The following LRRC47 variants were observed in gnomAD, a reference collection of about 807,000 sequenced individuals.
LRRC47 encodes leucine rich repeat containing 47, also known as leucine-rich repeat-containing protein 47.
Under a neutral mutation model 40.9 loss-of-function variants are expected in LRRC47, and 31 were observed. The observed-to-expected ratio is 0.76, with a 90% confidence interval of 0.57 to 1.02. The LOEUF (loss-of-function observed/expected upper bound fraction) is 1.02, where lower values mean the gene tolerates loss of function less well. Ranked by LOEUF, LRRC47 falls within the 50% of genes least tolerant of loss-of-function variation. The pLI is 0.00. For missense variants in LRRC47, 726 were observed against 796.1 expected (o/e 0.91, Z 1.06); for synonymous variants, 427 against 371.9 (o/e 1.15, Z -1.70).
rs370038910 is a variant in LRRC47 at position 3,787,234 on chromosome 1, T to C, written c.692A>G (p.Asn231Ser). Residue 231 changes from asparagine (N) to serine (S), a missense_variant, in exon 2 of 7, where the codon AAT (asparagine) becomes AGT (serine). Transcript: ENST00000378251. Reference sequence around the variant, plus strand: ...GTCCCTCAGCTTGTTCCCACGGAAATTGATCTCCTTGAGCTTGGGGCAGTC... The same window carrying C: ...GTCCCTCAGCTTGTTCCCACGGAAACTGATCTCCTTGAGCTTGGGGCAGTC... ...LADCPKLKEI[N>S]FRGNKLRDKR... The C allele has an allele frequency of 3.5e-5, 57 of 1,613,714 alleles. No individual in the cohort carries two copies. Among genetic ancestry groups the C allele is most frequent in the Non-Finnish European group, 4.3e-5 (51 of 1,180,052 alleles).
At chr1:3,789,352 C>T (rs542543937) in intron 1 of LRRC47, among the ~76,000 whole-genome samples, 254 of 152,378 alleles carry the variant, frequency 1.7e-3, no homozygotes, top group Middle Eastern at 3.4e-3. Flanking sequence ...TGGGTTTCTG[C>T]GCTGCCCTAA....
At chr1:3,791,673 C>T (rs989608100) in intron 1 of LRRC47, among the ~76,000 whole-genome samples, 2 of 152,220 alleles carry the variant, frequency 1.3e-5, no homozygotes, top group Non-Finnish European at 2.9e-5. Flanking sequence ...TCAGGCTGGT[C>T]TTCAACTCCC....
chr1:3,785,892 T>C (rs942555626), intron 2 of LRRC47, among the ~76,000 whole-genome samples: 5 of 149,418 alleles, frequency 3.3e-5, no homozygotes, highest in African/African-American at 1.2e-4. Flanking sequence ...TTTTTTGAGA[T>C]GGAGTCTTGC....
At position 3,780,900 on chromosome 1, in the gene LRRC47, C is replaced by A; in HGVS notation, c.*188G>T. On this transcript the variant is annotated 3_prime_UTR_variant, in exon 7 of 7. Transcript: ENST00000378251. ...CTGAGGCAGGAGAATCGCTTGAACCCAGGAGACACAGGCTGCAGTGACTCG... is the reference window on the plus strand; with the variant it reads ...CTGAGGCAGGAGAATCGCTTGAACCAAGGAGACACAGGCTGCAGTGACTCG... The A allele has an allele frequency of 1.2e-6, 1 of 812,060 alleles. No homozygotes were observed. Among genetic ancestry groups the A allele is most frequent in the African/African-American group, 1.7e-5 (1 of 58,048 alleles). The allele number at this position is 812,060 out of a possible 1,614,324, so 50.3% of individuals were successfully genotyped here. A position where few individuals can be genotyped will look rare whatever the true frequency, so the allele number is the denominator to read the frequency against.
chr1:3,781,484 T>C, intron 6 of LRRC47, 28 bp downstream of exon 6: 4 of 1,607,348 alleles, frequency 2.5e-6, no homozygotes, highest in Non-Finnish European at 3.4e-6. Flanking sequence ...TCAAAAGCGT[T>C]TCTCAGGAGG....
chr1:3,792,459 G>A (rs545682061), intron 1 of LRRC47, among the ~76,000 whole-genome samples: 2 of 114,272 alleles, frequency 1.8e-5, no homozygotes, highest in South Asian at 6.1e-4. Context: ...AGAGCTGGAC[G>A]CACACTTTTT....
chr1:3,780,866 C>T lies in LRRC47; in HGVS notation c.*222G>A. ...TGGCACACACCTGTAGTCCCAGCTACTTGGGAGGCTGAGGCAGGAGAATCG... is the reference window on the plus strand; with the variant it reads ...TGGCACACACCTGTAGTCCCAGCTATTTGGGAGGCTGAGGCAGGAGAATCG... On this transcript the variant is annotated 3_prime_UTR_variant, in exon 7 of 7. Coordinates refer to ENST00000378251, the MANE Select transcript of LRRC47 (RefSeq NM_020710.3). 1 of 607,802 alleles carries T rather than the reference C, an allele frequency of 1.6e-6. No homozygotes were observed. The highest frequency in any genetic ancestry group is 3.0e-5 in the East Asian group (1 of 33,000). 37.7% of individuals were successfully genotyped at this position (607,802 alleles called of 1,614,324 possible).
Position 3,781,313 on chromosome 1 carries a change from G to A in LRRC47, c.1527C>T (p.Tyr509=). The A allele has an allele frequency of 6.2e-7, 1 of 1,612,832 alleles. No individual in the cohort carries two copies. The highest frequency in any genetic ancestry group is 8.5e-7 in the Non-Finnish European group (1 of 1,179,046). Residue 509 remains tyrosine, a synonymous_variant, in exon 7 of 7, where the codon TAC becomes TAT. Coordinates refer to ENST00000378251, the MANE Select transcript of LRRC47 (RefSeq NM_020710.3). The part of the protein sequence containing the change: ...LILKMAEMKK[Y]TLENKEEGSL... ...ATCCTTCCTCTTTATTTTCTAAAGTGTACTTTTTCATTTCTGCCATTTTCT... is the reference window on the plus strand; with the variant it reads ...ATCCTTCCTCTTTATTTTCTAAAGTATACTTTTTCATTTCTGCCATTTTCT...
Position 3,796,241 on chromosome 1 carries a change from C to G in LRRC47, c.236G>C (p.Ser79Thr). Reference protein sequence around the residue: ...GLAQGLPQLHSLVLRRNALGP... With the variant: ...GLAQGLPQLHTLVLRRNALGP... ...CAGCGCGTTGCGCCGCAGCACGAGG[C>G]TGTGCAGCTGCGGCAGGCCCTGCGC... Residue 79 changes from serine to threonine, a missense_variant, in exon 1 of 7, where the codon AGC (serine) becomes ACC (threonine). By Grantham distance (58) the Ser-to-Thr change is moderately conservative. Coordinates refer to ENST00000378251, the MANE Select transcript of LRRC47 (RefSeq NM_020710.3). 3.4e-6 allele frequency: 5 copies of G among 1,449,922 alleles called. No homozygotes were observed. The highest frequency in any genetic ancestry group is 4.5e-6 in the Non-Finnish European group (5 of 1,110,848). The allele number at this position is 1,449,922 out of a possible 1,614,324, so 89.8% of individuals were successfully genotyped here.
rs1400758609 is a variant in LRRC47, at chr1:3,778,569, G to A, written c.*2519C>T. On this transcript the variant is annotated 3_prime_UTR_variant, in exon 7 of 7. Coordinates refer to ENST00000378251, the MANE Select transcript of LRRC47 (RefSeq NM_020710.3). Reference sequence around the variant, plus strand: ...AAGGATCTGCTGGGCCAGGTGCGGAGCTGTTTTTATTAGTGAGTCGGGGGG... The same window carrying A: ...AAGGATCTGCTGGGCCAGGTGCGGAACTGTTTTTATTAGTGAGTCGGGGGG... 1 of 153,754 alleles carries A rather than the reference G, an allele frequency of 6.5e-6. No individual in the cohort carries two copies. Among genetic ancestry groups the A allele is most frequent in the East Asian group, 1.9e-4 (1 of 5,202 alleles). The allele number at this position is 153,754 out of a possible 1,614,324, so 9.5% of individuals were successfully genotyped here. A position where few individuals can be genotyped will look rare whatever the true frequency, so the allele number is the denominator to read the frequency against.
chr1:3,785,184 A>G lies in LRRC47; in HGVS notation c.1097T>C (p.Leu366Pro), dbSNP rs1306261266. ...LTSQTKLHED[L>P]CEKRTAATLA... is the part of the protein sequence containing the mutation. ...GGTGGCAGCCGTCCTCTTCTCACAG[A>G]GATCTTCGTGGAGCTTGGTCTGTAA... The change falls in exon 3 of 7, where the codon CTC becomes CCC. Residue 366 changes from leucine (L) to proline (P), a missense_variant. By Grantham distance (98) the Leu-to-Pro change is moderately conservative (BLOSUM62 -3). Coordinates refer to ENST00000378251, the MANE Select transcript of LRRC47 (RefSeq NM_020710.3). 1.9e-6 allele frequency: 3 copies of G among 1,581,818 alleles called. No individual in the cohort carries two copies. Among genetic ancestry groups the G allele is most frequent in the African/African-American group, 2.7e-5 (2 of 72,826 alleles).
rs185649278 is a variant in LRRC47, at chr1:3,787,211, C to T, written c.715G>A (p.Asp239Asn). 28 of 1,613,858 alleles carry T rather than the reference C, an allele frequency of 1.7e-5. No individual in the cohort carries two copies. The East Asian group carries it at 6.2e-4, about 36-fold the overall frequency. ...EINFRGNKLR[D>N]KRLEKMVSGC... ...CTGACCATCTTCTCCAGGCGCTTGT[C>T]CCTCAGCTTGTTCCCACGGAAATTG... Residue 239 changes from aspartate to asparagine, a missense_variant, in exon 2 of 7, where the codon GAC becomes AAC. Physicochemically the swap from Asp to Asn is conservative, Grantham distance 23. Transcript: ENST00000378251.
chr1:3,794,747 G>A (rs1643657690), intron 1 of LRRC47, among the ~76,000 whole-genome samples: 3 of 151,096 alleles, frequency 2.0e-5, no homozygotes, highest in Admixed American at 1.3e-4. Context: ...AAGTGTATAC[G>A]TATTTTATTA....
intron 1 of LRRC47, among the ~76,000 whole-genome samples, chr1:3,795,195 T>C (rs755651892): frequency 2.0e-5 from 3 of 152,092 alleles, no homozygotes; most frequent in Admixed American, 6.6e-5. Context: ...GGTTCTGCCA[T>C]GTGGCTTCCC....
intron 1 of LRRC47, among the ~76,000 whole-genome samples, chr1:3,787,893 C>T (rs561238826): frequency 2.0e-5 from 3 of 152,360 alleles, no homozygotes; most frequent in Non-Finnish European, 2.9e-5. Context: ...CCGACTTCAA[C>T]GGCGATGGGT....
rs191666815 is a variant in LRRC47, at chr1:3,788,236, C to A, written c.616-926G>T. Among the ~76,000 whole-genome samples, 298 of 152,348 alleles carry A rather than the reference C, an allele frequency of 2.0e-3. 1 individual carries two copies. Among genetic ancestry groups the A allele is most frequent in the East Asian group, 3.9e-4 (2 of 5,172 alleles). On this transcript the variant is annotated intron_variant, in intron 1 of 6. Coordinates refer to ENST00000378251, the MANE Select transcript of LRRC47 (RefSeq NM_020710.3). Reference sequence around the variant, plus strand: ...TCTTTCCTGGCTTGGTACCCAGGCCCCACAGCCTTGCCTGGGTGGTGGGGC... The same window carrying A: ...TCTTTCCTGGCTTGGTACCCAGGCCACACAGCCTTGCCTGGGTGGTGGGGC...
intron 1 of LRRC47, among the ~76,000 whole-genome samples, chr1:3,791,198 C>CCACTGTT (rs1290489198): frequency 1.3e-5 from 2 of 152,202 alleles, no homozygotes; most frequent in Non-Finnish European, 1.5e-5. Flanking sequence ...GCAGCACTGT[C>CCACTGTT]CACTGTTCAC....
At position 3,778,644 on chromosome 1, in the gene LRRC47, A is replaced by G. The variant is rs975425133; in HGVS notation, c.*2444T>C. ...GAGACACCTGTGCTGCGAGTTAAAT[A>G]CATTTCCAGCATCTCACGCATCACA... On this transcript the variant is annotated 3_prime_UTR_variant, in exon 7 of 7. Coordinates refer to ENST00000378251, the MANE Select transcript of LRRC47 (RefSeq NM_020710.3). 6.5e-6 allele frequency: 1 copy of G among 153,540 alleles called. No individual in the cohort carries two copies. The highest frequency in any genetic ancestry group is 1.5e-5 in the Non-Finnish European group (1 of 68,236). 9.5% of individuals were successfully genotyped at this position (153,540 alleles called of 1,614,324 possible). A position where few individuals can be genotyped will look rare whatever the true frequency, so the allele number is the denominator to read the frequency against.
intron 1 of LRRC47, among the ~76,000 whole-genome samples, chr1:3,793,674 C>A (rs932649259): frequency 1.3e-5 from 2 of 152,134 alleles, no homozygotes; most frequent in Admixed American, 1.3e-4. Flanking sequence ...GCCTTCTGAG[C>A]TGTGTCTTTT....
Sources: gnomAD v4.1 joint callset for allele counts (sites outside exome capture counted in the v4.1 genomes callset) on GRCh38, gnomAD v4.1.1 for gene constraint, MANE v1.5 for transcripts, NCBI Gene and HGNC (gene_info 2026-07-23, HGNC 2026-07-21) for gene names.